UBA2: variants seen among roughly 807,000 people sequenced by gnomAD.
The protein encoded by UBA2 is SUMO-activating enzyme subunit 2.
UBA2 carries 11 observed loss-of-function variants against 77.2 expected under a neutral mutation model. The ratio of observed to expected loss-of-function variants is 0.14; its 90% confidence interval spans 0.09 to 0.24. The LOEUF (loss-of-function observed/expected upper bound fraction) is 0.24. Ranked by LOEUF, UBA2 falls within the 10% of genes least tolerant of loss-of-function variation. The pLI, the probability that UBA2 is intolerant of heterozygous loss-of-function variation, is 1.00. For missense variants in UBA2, 487 were observed against 781.7 expected, an observed-to-expected ratio of 0.62 and a Z score of 4.50; for synonymous variants, 278 against 276.7, an observed-to-expected ratio of 1.00 and a Z score of -0.05.
rs1395486513 is a variant in UBA2 at position 34,428,664 on chromosome 19, C to T, written c.138+94C>T. The T allele has an allele frequency of 2.5e-6, 3 of 1,197,870 alleles. No homozygotes were observed. In the African/African-American group the frequency reaches 4.7e-5, roughly 19 times the overall value. 74.2% of individuals were successfully genotyped at this position (1,197,870 alleles called of 1,614,324 possible). A position where few individuals can be genotyped will look rare whatever the true frequency, so the allele number is the denominator to read the frequency against. ...GCTCCAGGGGCTCTGAGGCTCAGGG[C>T]CCGGAGCCCGGGACCGGAGTTGCGG... On this transcript the variant is annotated intron_variant, in intron 1 of 16. Coordinates refer to ENST00000246548, the MANE Select transcript of UBA2 (RefSeq NM_005499.3).
At chr19:34,444,432 T>C (rs2075406523) in intron 7 of UBA2, among the ~76,000 whole-genome samples, 1 of 152,208 alleles carries the variant, frequency 6.6e-6, no homozygotes, top group African/African-American at 2.4e-5. Context: ...TTCACAAGTC[T>C]AGTAAATAGA....
intron 16 of UBA2, among the ~76,000 whole-genome samples, chr19:34,468,769 A>G (rs2075712324): frequency 6.6e-6 from 1 of 152,188 alleles, no homozygotes; most frequent in South Asian, 2.1e-4. Flanking sequence ...TTTCTATTGG[A>G]GAATGTGGAG....
intron 3 of UBA2, 29 bp downstream of exon 3, chr19:34,431,960 T>TATATAAA (rs1555726594): frequency 2.4e-5 from 37 of 1,553,622 alleles, no homozygotes; most frequent in Non-Finnish European, 2.7e-5. Flanking sequence ...ATTGCAAAGT[T>TATATAAA]GTATAAGGGT....
At chr19:34,446,608 C>CTTTTTTTTTTTTTTTTTTT (rs764109454) in intron 8 of UBA2, among the ~76,000 whole-genome samples, 2 of 145,148 alleles carry the variant, frequency 1.4e-5, no homozygotes, top group Admixed American at 7.0e-5. Context: ...TTTTTTTTTT[C>CTTTTTTTTTTTTTTTTTTT]TTTCTTTTTT....
In UBA2 at chr19:34,437,626, G is replaced by GA. The variant is rs577768680; in HGVS notation, c.460-1017dup. Among the ~76,000 whole-genome samples the GA allele has an allele frequency of 1.6e-4, 25 of 152,242 alleles. No homozygotes were observed. The South Asian group carries it at 5.0e-3, about 30-fold the overall frequency. ...TCCGTCTCAGACAAAAAGAAAAAAA[G>GA]AAGAGACTGAGGTTAGGAATATCTG... On this transcript the variant is annotated intron_variant, in intron 5 of 16. Transcript: ENST00000246548.
At chr19:34,445,426 T>G (rs1238796572) in intron 8 of UBA2, among the ~76,000 whole-genome samples, 1 of 145,784 alleles carries the variant, frequency 6.9e-6, no homozygotes, top group Non-Finnish European at 1.5e-5. Flanking sequence ...CTGCTGCTTC[T>G]CATCTTCACT....
intron 6 of UBA2, among the ~76,000 whole-genome samples, chr19:34,441,555 C>T (rs1370037093): frequency 6.6e-6 from 1 of 152,080 alleles, no homozygotes; most frequent in Non-Finnish European, 1.5e-5. Context: ...TTGTAGAAAC[C>T]TTCAGCAAAC....
chr19:34,467,919 T>G (rs570556393), intron 16 of UBA2, among the ~76,000 whole-genome samples: 46 of 152,348 alleles, frequency 3.0e-4, no homozygotes, highest in African/African-American at 9.9e-4. Context: ...GGTTGGGGTT[T>G]TGTATGCTTG....
At chr19:34,459,201 G>T (rs1369106493) in intron 13 of UBA2, among the ~76,000 whole-genome samples, 1 of 152,162 alleles carries the variant, frequency 6.6e-6, no homozygotes, top group African/African-American at 2.4e-5. Flanking sequence ...TTTGCTCTTT[G>T]CTTCCCAGGC....
chr19:34,446,260 G>C (rs970217978), intron 8 of UBA2, among the ~76,000 whole-genome samples: 6 of 152,222 alleles, frequency 3.9e-5, no homozygotes, highest in African/African-American at 1.4e-4. Context: ...TCACTAAGCA[G>C]ATGACCTTAA....
At chr19:34,454,398 G>A in intron 11 of UBA2, 45 bp downstream of exon 11, 1 of 1,571,986 alleles carries the variant, frequency 6.4e-7, no homozygotes, top group Non-Finnish European at 8.6e-7. Flanking sequence ...CCTTGAAGTT[G>A]TTTTTTAAAC....
At chr19:34,439,982 A>T in intron 6 of UBA2, among the ~76,000 whole-genome samples, 1 of 152,198 alleles carries the variant, frequency 6.6e-6, no homozygotes, top group East Asian at 1.9e-4. Flanking sequence ...TAATAAGACC[A>T]TGGTAGTACA....
chr19:34,467,584 G>T (rs994134488), intron 16 of UBA2, among the ~76,000 whole-genome samples: 4 of 152,120 alleles, frequency 2.6e-5, no homozygotes, highest in African/African-American at 9.7e-5. Context: ...ACACTAACCT[G>T]GGCAACACAG....
At chr19:34,444,102 G>A (rs2075402283) in intron 7 of UBA2, among the ~76,000 whole-genome samples, 191 bp downstream of exon 7, 1 of 125,824 alleles carries the variant, frequency 7.9e-6, no homozygotes, top group African/African-American at 3.0e-5. Context: ...TTATTGCCCA[G>A]GCTGGAGTAC....
At chr19:34,438,517 A>T in intron 5 of UBA2, 128 bp from the exon 6 acceptor site, 2 of 1,160,304 alleles carry the variant, frequency 1.7e-6, no homozygotes, top group Non-Finnish European at 2.4e-6. Context: ...GGAGTCACTA[A>T]TATTTTAAAA....
chr19:34,445,789 CAT>C (rs1181015805), intron 8 of UBA2, among the ~76,000 whole-genome samples: 1 of 152,140 alleles, frequency 6.6e-6, no homozygotes, highest in African/African-American at 2.4e-5. Flanking sequence ...GTTTGACTGA[CAT>C]GTGTCCTAAA....
chr19:34,454,376 G>GT, intron 11 of UBA2, 23 bp downstream of exon 11: 4 of 1,595,512 alleles, frequency 2.5e-6, no homozygotes, highest in Non-Finnish European at 2.6e-6. Context: ...TACTAAAGTT[G>GT]TATCACTAAA....
intron 3 of UBA2, among the ~76,000 whole-genome samples, chr19:34,432,835 G>A (rs1208233249): frequency 2.0e-5 from 3 of 152,300 alleles, no homozygotes; most frequent in African/African-American, 4.8e-5. Context: ...GATTACAGGC[G>A]TGAGCCACTG....
intron 8 of UBA2, among the ~76,000 whole-genome samples, chr19:34,446,938 A>G (rs563510650): frequency 6.6e-6 from 1 of 152,182 alleles, no homozygotes; most frequent in African/African-American, 2.4e-5. Context: ...TATTGCATTT[A>G]TTTCCTCACT....
Sources: gnomAD v4.1 joint callset for allele counts (sites outside exome capture counted in the v4.1 genomes callset) on GRCh38, gnomAD v4.1.1 for gene constraint, MANE v1.5 for transcripts, NCBI Gene and HGNC (gene_info 2026-07-23, HGNC 2026-07-21) for gene names.